The following FARP2 variants were observed in gnomAD, a reference collection of about 807,000 sequenced individuals.
FARP2 encodes FERM, ARH/RhoGEF and pleckstrin domain protein 2.
In FARP2, 111 loss-of-function variants were observed where a neutral mutation model predicts 130.5. The ratio of observed to expected loss-of-function variants is 0.85; its 90% CI spans 0.73 to 1.00. The LOEUF (loss-of-function observed/expected upper bound fraction) is 1.00, where lower values mean the gene tolerates loss of function less well. Among genes scored for constraint, FARP2 ranks in the 50% least tolerant of loss-of-function variants. The probability of loss-of-function intolerance (pLI) is 0.00; values close to 1 mark genes in which losing one functional copy is unlikely to be tolerated. For synonymous variants in FARP2, 504 were observed against 516.9 expected (o/e 0.98, Z 0.34); for missense variants, 1,385 against 1,346.3 (o/e 1.03, Z -0.45).
chr2:241,381,733 C>T (rs1325056598), intron 2 of FARP2, among the ~76,000 whole-genome samples: 1 of 152,134 alleles, frequency 6.6e-6, no homozygotes, highest in Non-Finnish European at 1.5e-5. Flanking sequence ...AGAGTGCATT[C>T]TACTTTTTTA....
chr2:241,492,800 C>A, intron 24 of FARP2, 129 bp from the exon 25 acceptor site: 1 of 625,094 alleles, frequency 1.6e-6, no homozygotes, highest in South Asian at 1.9e-5. Context: ...CTGTTCATAG[C>A]AGTCCAGAGG....
chr2:241,408,716 G>A (rs1393259282), intron 5 of FARP2, among the ~76,000 whole-genome samples: 1 of 152,086 alleles, frequency 6.6e-6, no homozygotes, highest in African/African-American at 2.4e-5. Context: ...GAACTATGAT[G>A]TTGTAGTGGT....
chr2:241,396,156 T>G (rs2062022502), intron 2 of FARP2, among the ~76,000 whole-genome samples: 1 of 152,004 alleles, frequency 6.6e-6, no homozygotes, highest in South Asian at 2.1e-4. Flanking sequence ...ACTGGATCCC[T>G]TCCTTACACC....
intron 13 of FARP2, among the ~76,000 whole-genome samples, chr2:241,453,558 C>A (rs964759489): frequency 1.6e-4 from 23 of 146,766 alleles, no homozygotes; most frequent in Non-Finnish European, 6.0e-5. Flanking sequence ...GGAGGCGGAG[C>A]TTGCAGTGAG....
chr2:241,388,797 C>T (rs2150324397), intron 2 of FARP2, among the ~76,000 whole-genome samples: 1 of 152,066 alleles, frequency 6.6e-6, no homozygotes, highest in African/African-American at 2.4e-5. Flanking sequence ...CACTGCACTC[C>T]AGCCTGGGTA....
intron 12 of FARP2, among the ~76,000 whole-genome samples, chr2:241,438,780 C>T (rs1414035594): frequency 7.8e-6 from 1 of 128,146 alleles, no homozygotes; most frequent in Non-Finnish European, 1.6e-5. Context: ...CAGGTGCCCG[C>T]CACCATGCCT....
chr2:241,442,434 C>T (rs1419200207), intron 13 of FARP2: 2 of 456,690 alleles, frequency 4.4e-6, no homozygotes, highest in Non-Finnish European at 8.8e-6. Context: ...TCTTCAGCAA[C>T]CCTTTTGCAC....
chr2:241,482,046 T>C lies in FARP2; in HGVS notation c.2263-1419T>C, dbSNP rs938521761. Among the ~76,000 whole-genome samples, 10 of 152,346 alleles carry C rather than the reference T, an allele frequency of 6.6e-5. No homozygotes were observed. The South Asian group carries it at 2.1e-3, about 32-fold the overall frequency. On this transcript the variant is annotated intron_variant, in intron 19 of 26. Coordinates refer to ENST00000264042, the MANE Select transcript of FARP2 (RefSeq NM_014808.4). This position sits in a 1 kb window ranked among gnomAD's most constrained non-coding sequence, Gnocchi z 4.6. The stretch of plus-strand genomic sequence containing the variant: ...CTTGTCTTCCTGAGTTAAATATGTG[T>C]GTCAGTCAACAGACAGAAACCATGC...
intron 12 of FARP2, among the ~76,000 whole-genome samples, chr2:241,438,620 GGTTTTTTTTTTTT>G (rs1318069385): frequency 1.4e-5 from 2 of 144,232 alleles, no homozygotes; most frequent in Non-Finnish European, 3.0e-5. Context: ...TAAACTCTCT[GGTTTTTTTTTTTT>G]GTTTTTTTTT....
chr2:241,466,190 G>C, intron 17 of FARP2: 1 of 985,276 alleles, frequency 1.0e-6, no homozygotes, highest in East Asian at 1.1e-4. Flanking sequence ...CCCCCTCACG[G>C]GGCATAAGGT....
intron 2 of FARP2, among the ~76,000 whole-genome samples, chr2:241,384,172 T>C (rs1419372313): frequency 6.6e-6 from 1 of 152,036 alleles, no homozygotes; most frequent in East Asian, 1.9e-4. Flanking sequence ...AGTCTTCGAC[T>C]TCTGAACTTT....
chr2:241,417,818 T>A (rs1385485041), intron 7 of FARP2, 144 bp from the exon 8 acceptor site: 1 of 834,618 alleles, frequency 1.2e-6, no homozygotes, highest in Non-Finnish European at 1.9e-6. Flanking sequence ...GTTTTTGTAG[T>A]GGGTAAACAC....
intron 13 of FARP2, among the ~76,000 whole-genome samples, chr2:241,448,259 T>G (rs1193149932): frequency 6.6e-6 from 1 of 151,982 alleles, no homozygotes; most frequent in Non-Finnish European, 1.5e-5. Flanking sequence ...CTGCCCAGCA[T>G]CCGCTGCCTA....
intron 8 of FARP2, among the ~76,000 whole-genome samples, chr2:241,430,980 A>G (rs2150395625): frequency 6.6e-6 from 1 of 151,898 alleles, no homozygotes; most frequent in East Asian, 1.9e-4. Context: ...AGCCTAGGTG[A>G]TAGAGTGAGA....
At chr2:241,414,721 A>G (rs1176506456) in intron 7 of FARP2, among the ~76,000 whole-genome samples, 1 of 152,208 alleles carries the variant, frequency 6.6e-6, no homozygotes, top group Non-Finnish European at 1.5e-5. Flanking sequence ...AGATATACAG[A>G]TGCGTTTCTA....
intron 8 of FARP2, among the ~76,000 whole-genome samples, chr2:241,428,012 C>T (rs1165509808): frequency 3.9e-5 from 6 of 152,020 alleles, no homozygotes; most frequent in East Asian, 1.9e-4. Context: ...GTGATCCGCC[C>T]GCCTTGGCCT....
At chr2:241,377,893 A>G (rs1444064814) in intron 2 of FARP2, among the ~76,000 whole-genome samples, 1 of 152,210 alleles carries the variant, frequency 6.6e-6, no homozygotes, top group Admixed American at 6.5e-5. Context: ...GCTGGGTCAC[A>G]TGGGAAATCT....
At chr2:241,487,343 A>G (rs1442189454) in intron 21 of FARP2, among the ~76,000 whole-genome samples, 2 of 152,192 alleles carry the variant, frequency 1.3e-5, no homozygotes, top group African/African-American at 4.8e-5. Flanking sequence ...ATGCCCTGAT[A>G]AACCCATTGT....
intron 13 of FARP2, among the ~76,000 whole-genome samples, chr2:241,447,506 G>GTGT (rs966678902): frequency 9.2e-5 from 14 of 152,208 alleles, no homozygotes; most frequent in Admixed American, 7.9e-4. Flanking sequence ...GGCGGGCCTT[G>GTGT]TGTCCTTGCA....
Sources: gnomAD v4.1 joint callset for allele counts (sites outside exome capture counted in the v4.1 genomes callset) on GRCh38, gnomAD v4.1.1 for gene constraint, Gnocchi (gnomAD v3.1) non-coding constraint, MANE v1.5 for transcripts, NCBI Gene and HGNC (gene_info 2026-07-23, HGNC 2026-07-21) for gene names.